ANKS3: variants seen among roughly 807,000 people sequenced by gnomAD.
ANKS3 encodes ankyrin repeat and SAM domain-containing protein 3.
A neutral mutation model predicts 80.7 loss-of-function variants in ANKS3; 62 were observed. The observed-to-expected ratio is 0.77, with a 90% CI of 0.63 to 0.95. The LOEUF (loss-of-function observed/expected upper bound fraction) is 0.95. Among genes scored for constraint, ANKS3 ranks in the 40% least tolerant of loss-of-function variants. ANKS3 has a pLI of 0.00. For missense variants in ANKS3, 1,150 were observed against 883.6 expected (o/e 1.30, Z -3.82); for synonymous variants, 489 against 355.3 (o/e 1.38, Z -4.23).
At chr16:4,704,140 G>A (rs1164590373) in intron 8 of ANKS3, among the ~76,000 whole-genome samples, 1 of 152,178 alleles carries the variant, frequency 6.6e-6, no homozygotes, top group Non-Finnish European at 1.5e-5. Context: ...CCTTCCCAGT[G>A]GCCCAGTCAG....
intron 11 of ANKS3, chr16:4,700,418 A>C: frequency 4.8e-6 from 1 of 209,834 alleles, no homozygotes; most frequent in East Asian, 1.4e-4. Flanking sequence ...CTCCGTCTCG[A>C]ACAAACAAAC....
intron 6 of ANKS3, among the ~76,000 whole-genome samples, chr16:4,715,559 G>C (rs1370765018): frequency 6.6e-6 from 1 of 152,162 alleles, no homozygotes; most frequent in East Asian, 1.9e-4. Flanking sequence ...TCGCACCACT[G>C]TACTCCAGCC....
In ANKS3 at chr16:4,720,379, T is replaced by G. The variant is rs143183389; in HGVS notation, c.573+4371A>C. 7.6e-3 allele frequency among the ~76,000 whole-genome samples: 1,148 copies of G among 150,416 alleles called. 15 individuals carry two copies. The highest frequency in any genetic ancestry group is 0.026 in the African/African-American group (1,089 of 41,278). ...CGGGAGGCTGAGGCAGGAAAATCGC[T>G]TGAACCTGGGAGGCAGAGGTTGCAG... On this transcript the variant is annotated intron_variant, in intron 6 of 17. Transcript: ENST00000304283.
chr16:4,718,872 G>A (rs2080943079), intron 6 of ANKS3, among the ~76,000 whole-genome samples: 2 of 152,114 alleles, frequency 1.3e-5, no homozygotes, highest in African/African-American at 2.4e-5. Flanking sequence ...TTTGCTTTTA[G>A]GAAATACATA....
In ANKS3 at chr16:4,727,135, G is replaced by C. The variant is rs578217877; in HGVS notation, c.213C>G (p.Thr71=). Residue 71 remains threonine (T), a synonymous_variant, in exon 4 of 18, where the codon ACC becomes ACG. Transcript: ENST00000304283. ...DLNKKNGGGW[T]PLMYASYIGH... is the part of the protein sequence containing the mutation. ...CAATGTAGGAGGCATACATCAGCGG[G>C]GTCCAGCCACCACCATTCTTCTTAT... 83 of 1,614,124 alleles carry C rather than the reference G, an allele frequency of 5.1e-5. No homozygotes were observed. The South Asian group carries it at 8.7e-4, about 17-fold the overall frequency.
intron 8 of ANKS3, 55 bp downstream of exon 8, chr16:4,705,040 C>T (rs1567332447): frequency 1.3e-6 from 2 of 1,591,518 alleles, no homozygotes; most frequent in Non-Finnish European, 8.6e-7. Flanking sequence ...TTCTTGCCAA[C>T]ACAAAATCCT....
chr16:4,733,245 C>A (rs900804713), intron 1 of ANKS3, among the ~76,000 whole-genome samples: 1 of 148,376 alleles, frequency 6.7e-6, no homozygotes, highest in Admixed American at 6.7e-5. Flanking sequence ...TTTGACCGCA[C>A]AACAGGGTGA....
At chr16:4,714,296 C>T in intron 6 of ANKS3, 110 bp from the exon 7 acceptor site, 1 of 1,461,792 alleles carries the variant, frequency 6.8e-7, no homozygotes, top group Non-Finnish European at 9.3e-7. Flanking sequence ...TGACTGCCTC[C>T]CTGTGTGGGA....
intron 1 of ANKS3, among the ~76,000 whole-genome samples, chr16:4,732,695 A>G (rs1055074383): frequency 1.3e-5 from 2 of 151,550 alleles, no homozygotes; most frequent in Non-Finnish European, 2.9e-5. Flanking sequence ...AAAAACAAAA[A>G]AAAAACACTA....
intron 6 of ANKS3, among the ~76,000 whole-genome samples, chr16:4,721,444 A>C (rs937816554): frequency 6.7e-6 from 1 of 150,298 alleles, no homozygotes; most frequent in African/African-American, 2.4e-5. Context: ...CCCCATCTCT[A>C]CAAAAAAAAT....
In ANKS3 at chr16:4,696,753, C is replaced by G; in HGVS notation, c.*155G>C. Reference sequence around the variant, plus strand: ...GCCGAGCCAGGGCCGCAGCCCCCGTCTTGCCTCTGTCTGCCGGCTGCTCCC... The same window carrying G: ...GCCGAGCCAGGGCCGCAGCCCCCGTGTTGCCTCTGTCTGCCGGCTGCTCCC... On this transcript the variant is annotated 3_prime_UTR_variant, in exon 18 of 18. Coordinates refer to ENST00000304283, the MANE Select transcript of ANKS3 (RefSeq NM_133450.4). The G allele has an allele frequency of 3.7e-6, 2 of 544,250 alleles. No individual in the cohort carries two copies. The highest frequency in any genetic ancestry group is 6.6e-6 in the Non-Finnish European group (2 of 301,452). The allele number at this position is 544,250 out of a possible 1,614,324, so 33.7% of individuals were successfully genotyped here. A position where few individuals can be genotyped will look rare whatever the true frequency, so the allele number is the denominator to read the frequency against.
intron 3 of ANKS3, 152 bp downstream of exon 3, chr16:4,729,828 T>G: frequency 1.3e-6 from 1 of 753,068 alleles, no homozygotes; most frequent in Non-Finnish European, 1.9e-6. Context: ...GGGCTCAGCA[T>G]CAATACTTAC....
chr16:4,700,840 G>C (rs144388313), intron 11 of ANKS3, 130 bp downstream of exon 11: 15 of 1,227,906 alleles, frequency 1.2e-5, no homozygotes, highest in Non-Finnish European at 1.5e-5. Context: ...GAGCCTAACA[G>C]GCCATGGGGA....
chr16:4,726,366 C>T (rs1223657864), intron 5 of ANKS3, among the ~76,000 whole-genome samples: 1 of 152,162 alleles, frequency 6.6e-6, no homozygotes, highest in Non-Finnish European at 1.5e-5. Flanking sequence ...CATTTAAATG[C>T]CATTCAGTAT....
At chr16:4,733,404 G>A (rs997270215) in intron 1 of ANKS3, among the ~76,000 whole-genome samples, 5 of 151,966 alleles carry the variant, frequency 3.3e-5, no homozygotes, top group Middle Eastern at 3.4e-3. Flanking sequence ...CGATTCTCCT[G>A]CCTCAGCTTC....
rs1297966942 is a variant in ANKS3 at position 4,726,999 on chromosome 16, T to C, written c.349A>G (p.Ile117Val). 3.1e-6 allele frequency: 5 copies of C among 1,614,202 alleles called. No homozygotes were observed. The highest frequency in any genetic ancestry group is 4.2e-6 in the Non-Finnish European group (5 of 1,180,050). The change falls in exon 4 of 18, where the codon ATC (isoleucine) becomes GTC (valine). Residue 117 changes from isoleucine to valine, a missense_variant. Physicochemically the swap from Ile to Val is conservative, Grantham distance 29. Transcript: ENST00000304283. Reference sequence around the variant, plus strand: ...CTCACCTGGAGAAGAAAGTAGGCGATGCTCTCGTTGCCACAGCTGGAGGCC... The same window carrying C: ...CTCACCTGGAGAAGAAAGTAGGCGACGCTCTCGTTGCCACAGCTGGAGGCC... Reference protein sequence around the residue: ...MLASSCGNESIAYFLLQQGAE... With the variant: ...MLASSCGNESVAYFLLQQGAE...
chr16:4,697,270 G>A, intron 16 of ANKS3, 63 bp downstream of exon 16: 1 of 1,550,856 alleles, frequency 6.4e-7, no homozygotes, highest in Non-Finnish European at 8.8e-7. Flanking sequence ...CCCTGGAAAG[G>A]GGTCCCTTTG....
chr16:4,725,880 G>C (rs942982827), intron 5 of ANKS3, among the ~76,000 whole-genome samples: 14 of 151,700 alleles, frequency 9.2e-5, no homozygotes, highest in African/African-American at 3.2e-4. Context: ...GACTGGTCTC[G>C]AACTCCTGAC....
chr16:4,714,990 C>CAAAAAAAAAAAAAAAAA (rs753327026), intron 6 of ANKS3, among the ~76,000 whole-genome samples: 11 of 36,626 alleles, frequency 3.0e-4, no homozygotes, highest in African/African-American at 1.6e-3. Flanking sequence ...GACTCTGTCT[C>CAAAAAAAAAAAAAAAAA]AAAAAAAAAA....
Sources: gnomAD v4.1 joint callset for allele counts (sites outside exome capture counted in the v4.1 genomes callset) on GRCh38, gnomAD v4.1.1 for gene constraint, MANE v1.5 for transcripts, NCBI Gene and HGNC (gene_info 2026-07-23, HGNC 2026-07-21) for gene names.